TF: variants seen among roughly 807,000 people sequenced by gnomAD.
The protein encoded by TF is serotransferrin.
In TF, 55 loss-of-function variants were observed where a neutral mutation model predicts 82.4. The observed-to-expected ratio is 0.67, with a 90% CI of 0.54 to 0.84. The LOEUF (loss-of-function observed/expected upper bound fraction) is 0.84, where lower values mean the gene tolerates loss of function less well. Among genes scored for constraint, TF ranks in the 40% least tolerant of loss-of-function variants. TF has a pLI of 0.00. For missense variants in TF, 737 were observed against 868.4 expected (o/e 0.85, Z 1.90); for synonymous variants, 332 against 332.6 (o/e 1.00, Z 0.02).
chr3:133,710,279 C>T, the TF span: 4 of 152,616 alleles, frequency 2.6e-5, no homozygotes, highest in African/African-American at 9.6e-5. Context: ...AAAATCCCAG[C>T]CCTGACTGAA....
intron 6 of TF, 30 bp from the exon 7 acceptor site, chr3:133,756,801 G>A (rs775459517): frequency 1.9e-6 from 3 of 1,614,022 alleles, no homozygotes; most frequent in East Asian, 2.2e-5. Context: ...GCTCTCCTGT[G>A]TTAAGCTCAC....
the TF span, among the ~76,000 whole-genome samples, chr3:133,687,088 C>T: frequency 3.7e-3 from 567 of 152,228 alleles, 2 homozygotes; most frequent in African/African-American, 0.013. Context: ...AGCAAACTAT[C>T]GCAAGGACGG....
chr3:133,754,633 A>G lies in TF; in HGVS notation c.464A>G (p.Tyr155Cys). The change falls in exon 4 of 17, where the codon TAC becomes TGC. Residue 155 changes from tyrosine to cysteine, a missense_variant. Transcript: ENST00000402696. ...AGWNIPIGLL[Y>C]CDLPEPRKPL... ...TGGAACATCCCCATAGGCTTACTTT[A>G]CTGTGACTTACCTGAGCCACGTAAA... is the stretch of plus-strand genomic sequence containing the variant. 6.2e-7 allele frequency: 1 copy of G among 1,614,158 alleles called. No homozygotes were observed.
chr3:133,770,619 C>A, intron 14 of TF, 47 bp downstream of exon 14: 1 of 1,573,030 alleles, frequency 6.4e-7, no homozygotes, highest in Non-Finnish European at 8.8e-7. Context: ...AGATCCTGGT[C>A]ACTGGTATTC....
At chr3:133,741,766 C>A (rs1933399994), upstream of TF, among the ~76,000 whole-genome samples, 1 of 152,134 alleles carries the variant, frequency 6.6e-6, no homozygotes, top group Non-Finnish European at 1.5e-5. Context: ...GGAATAAACC[C>A]AATTTGGTAA....
At chr3:133,758,377 T>C (rs1417889687) in intron 8 of TF, among the ~76,000 whole-genome samples, 1 of 152,242 alleles carries the variant, frequency 6.6e-6, no homozygotes, top group Admixed American at 6.5e-5. Flanking sequence ...GTGGTTTTGC[T>C]TGACCATTCA....
the TF span, among the ~76,000 whole-genome samples, chr3:133,724,880 C>T: frequency 6.6e-6 from 1 of 152,150 alleles, no homozygotes; most frequent in Non-Finnish European, 1.5e-5. Flanking sequence ...ATATGGCTAG[C>T]CAGTTTTCCC....
chr3:133,706,562 C>T, the TF span, among the ~76,000 whole-genome samples: 1 of 152,106 alleles, frequency 6.6e-6, no homozygotes, highest in African/African-American at 2.4e-5. Context: ...GTCAGAAGCT[C>T]TGAGGCTGGG....
the TF span, among the ~76,000 whole-genome samples, chr3:133,688,561 C>CA: frequency 0.036 from 5,518 of 152,138 alleles, 371 homozygotes; most frequent in African/African-American, 0.12. Flanking sequence ...TCATTGATAG[C>CA]AAAAATCATA....
intron 14 of TF, among the ~76,000 whole-genome samples, chr3:133,771,504 G>A (rs1934254816): frequency 2.0e-5 from 3 of 151,972 alleles, no homozygotes; most frequent in Admixed American, 6.6e-5. Context: ...TTGGGAGGCC[G>A]AGGCGGGTGG....
the TF span, among the ~76,000 whole-genome samples, chr3:133,699,240 C>T: frequency 9.8e-5 from 15 of 152,382 alleles, no homozygotes; most frequent in East Asian, 2.9e-3. Flanking sequence ...CTGCCCAGCC[C>T]TGTGTCTACC....
At chr3:133,735,894 C>T in the TF span, among the ~76,000 whole-genome samples, 1 of 152,158 alleles carries the variant, frequency 6.6e-6, no homozygotes, top group African/African-American at 2.4e-5. Flanking sequence ...AGGATATTAT[C>T]CAGGAGAACT....
At chr3:133,732,522 G>A in the TF span, among the ~76,000 whole-genome samples, 6 of 152,168 alleles carry the variant, frequency 3.9e-5, no homozygotes, top group East Asian at 1.9e-4. Context: ...AACCCACTCC[G>A]GTTCCTTTTC....
the TF span, among the ~76,000 whole-genome samples, chr3:133,675,061 A>G: frequency 2.0e-5 from 3 of 152,046 alleles, no homozygotes; most frequent in Non-Finnish European, 2.9e-5. Context: ...CCTGGCCAAC[A>G]TGATGAAACC....
the TF span, among the ~76,000 whole-genome samples, chr3:133,712,160 G>A: frequency 1.3e-5 from 2 of 152,144 alleles, no homozygotes; most frequent in Non-Finnish European, 2.9e-5. Context: ...TCTGACTATC[G>A]CCCTACAGGC....
intron 5 of TF, chr3:133,755,889 C>G (rs1003847817): frequency 2.3e-6 from 1 of 429,646 alleles, no homozygotes; most frequent in African/African-American, 2.0e-5. Flanking sequence ...TCTCCTGCCC[C>G]CATCACCGTC....
the TF span, among the ~76,000 whole-genome samples, chr3:133,670,774 G>A: frequency 1.3e-5 from 2 of 152,168 alleles, no homozygotes; most frequent in African/African-American, 2.4e-5. Flanking sequence ...TGATCTCTGC[G>A]CTCATAGATC....
the TF span, among the ~76,000 whole-genome samples, chr3:133,684,451 C>T: frequency 6.6e-6 from 1 of 151,812 alleles, no homozygotes; most frequent in Admixed American, 6.6e-5. Context: ...ATTGATAGAC[C>T]ACTAGCAAGA....
the TF span, among the ~76,000 whole-genome samples, chr3:133,696,253 G>A: frequency 7.9e-5 from 12 of 151,842 alleles, no homozygotes; most frequent in African/African-American, 2.2e-4. Flanking sequence ...CTATGATCAC[G>A]CCACTGCCCT....
Sources: allele counts gnomAD v4.1 joint callset (sites outside exome capture counted in the v4.1 genomes callset), GRCh38; gene constraint gnomAD v4.1.1; transcripts MANE v1.5; gene names NCBI Gene and HGNC (gene_info 2026-07-23, HGNC 2026-07-21).